Variants in GHR observed in about 807,000 individuals in gnomAD.
GHR encodes GH receptor.
GHR carries 35 observed loss-of-function variants against 67.1 expected under a neutral mutation model. That is an observed-to-expected ratio of 0.52 (90% CI 0.40 to 0.69). GHR has a LOEUF of 0.69. GHR is among the 30% of genes least tolerant of loss of function. The probability of loss-of-function intolerance (pLI) is 0.00; values close to 1 mark genes in which losing one functional copy is unlikely to be tolerated. For missense variants in GHR, 792 were observed against 764.6 expected, an observed-to-expected ratio of 1.04 and a Z score of -0.42; for synonymous variants, 272 against 269.1, an observed-to-expected ratio of 1.01 and a Z score of -0.10.
At chr5:42,712,870 T>C (rs546978751) in intron 7 of GHR, among the ~76,000 whole-genome samples, 6 of 150,822 alleles carry the variant, frequency 4.0e-5, no homozygotes, top group African/African-American at 1.5e-4. Flanking sequence ...TATTATATTT[T>C]AATAATTTAA....
Position 42,424,914 on chromosome 5 carries a change from C to G in GHR, c.-12+959C>G. The G allele has an allele frequency of 1.3e-6, 1 of 761,906 alleles. No homozygotes were observed. The allele number at this position is 761,906 out of a possible 1,614,324, so 47.2% of individuals were successfully genotyped here. A position where few individuals can be genotyped will look rare whatever the true frequency, so the allele number is the denominator to read the frequency against. On this transcript the variant is annotated intron_variant, in intron 1 of 9. Coordinates refer to ENST00000230882, the MANE Select transcript of GHR (RefSeq NM_000163.5). This position sits in a 1 kb window ranked among gnomAD's most constrained non-coding sequence, Gnocchi z 4.1. ...TGTACGTGTGCGCTGTGTGTGCGCG[C>G]GCGAGTGTGCGCCTGGGGAGGCGTG...
At chr5:42,591,771 C>T (rs1188468489) in intron 2 of GHR, among the ~76,000 whole-genome samples, 1 of 152,184 alleles carries the variant, frequency 6.6e-6, no homozygotes, top group Non-Finnish European at 1.5e-5. Flanking sequence ...TGACCTTTCT[C>T]TTCCACCTCA....
At chr5:42,569,643 T>C (rs771789411) in intron 2 of GHR, among the ~76,000 whole-genome samples, 16 of 152,172 alleles carry the variant, frequency 1.1e-4, no homozygotes, top group Admixed American at 5.9e-4. Flanking sequence ...ACATATATAG[T>C]ATCTACATGT....
chr5:42,671,842 G>C (rs1437852484), intron 3 of GHR, among the ~76,000 whole-genome samples: 1 of 151,170 alleles, frequency 6.6e-6, no homozygotes, highest in Non-Finnish European at 1.5e-5. Flanking sequence ...TGTAGTCCCA[G>C]CTACTTGGGA....
chr5:42,479,743 AT>A (rs1306577986), intron 1 of GHR, among the ~76,000 whole-genome samples: 1 of 152,010 alleles, frequency 6.6e-6, no homozygotes, highest in Non-Finnish European at 1.5e-5. Flanking sequence ...CCCCTTTATC[AT>A]TTTTTATTGC....
chr5:42,605,339 C>T (rs1752580087), intron 2 of GHR, among the ~76,000 whole-genome samples: 1 of 151,962 alleles, frequency 6.6e-6, no homozygotes, highest in South Asian at 2.1e-4. Flanking sequence ...CTCCCGACCT[C>T]AGGTGATCCG....
At chr5:42,589,646 T>C (rs1355276793) in intron 2 of GHR, among the ~76,000 whole-genome samples, 1 of 152,252 alleles carries the variant, frequency 6.6e-6, no homozygotes. Context: ...TTTTCAGTGT[T>C]AAGTTGACCT....
intron 3 of GHR, among the ~76,000 whole-genome samples, chr5:42,671,912 C>T (rs1436777766): frequency 3.4e-5 from 5 of 146,854 alleles, no homozygotes; most frequent in South Asian, 4.4e-4. Context: ...GCCGAGATCC[C>T]GCCACTGCAC....
At chr5:42,428,094 G>T (rs1413525344) in intron 1 of GHR, among the ~76,000 whole-genome samples, 1 of 152,238 alleles carries the variant, frequency 6.6e-6, no homozygotes, top group African/African-American at 2.4e-5. Context: ...CATTGCCCTA[G>T]CAAGGGTTGT....
At chr5:42,575,287 C>A (rs191885901) in intron 2 of GHR, among the ~76,000 whole-genome samples, 64 of 152,250 alleles carry the variant, frequency 4.2e-4, no homozygotes, top group African/African-American at 1.4e-3. Context: ...GATTTCAGAG[C>A]AGTGGTGTTG....
chr5:42,619,007 C>T (rs1242203248), intron 2 of GHR, among the ~76,000 whole-genome samples: 1 of 152,050 alleles, frequency 6.6e-6, no homozygotes, highest in Non-Finnish European at 1.5e-5. Flanking sequence ...CTGGTCTGTG[C>T]CTGTAATCCA....
chr5:42,591,297 G>T (rs1057193525), intron 2 of GHR, among the ~76,000 whole-genome samples: 3 of 152,340 alleles, frequency 2.0e-5, no homozygotes, highest in African/African-American at 7.2e-5. Flanking sequence ...GCAGCAGCTA[G>T]GTTCAAGAAG....
At chr5:42,698,013 A>G (rs1188894669) in intron 5 of GHR, among the ~76,000 whole-genome samples, 1 of 152,190 alleles carries the variant, frequency 6.6e-6, no homozygotes, top group Non-Finnish European at 1.5e-5. Context: ...AGATGAGCCA[A>G]GGACAAGTTC....
intron 2 of GHR, among the ~76,000 whole-genome samples, chr5:42,568,417 T>G (rs1750077772): frequency 6.6e-6 from 1 of 152,196 alleles, no homozygotes; most frequent in Non-Finnish European, 1.5e-5. Context: ...AGAGGAGAAT[T>G]TTTTATTCCA....
intron 1 of GHR, among the ~76,000 whole-genome samples, chr5:42,496,445 A>T (rs1258214528): frequency 1.3e-5 from 2 of 152,096 alleles, no homozygotes; most frequent in Admixed American, 1.3e-4. Context: ...TGGATATAGC[A>T]TGTGCATCTA....
chr5:42,505,414 G>A (rs1483611778), intron 1 of GHR, among the ~76,000 whole-genome samples: 1 of 150,548 alleles, frequency 6.6e-6, no homozygotes, highest in South Asian at 2.1e-4. Flanking sequence ...CATTTTTTGA[G>A]CACGTACACA....
intron 3 of GHR, among the ~76,000 whole-genome samples, chr5:42,677,038 G>A (rs1756604161): frequency 6.6e-6 from 1 of 151,648 alleles, no homozygotes; most frequent in African/African-American, 2.4e-5. Flanking sequence ...AAAAATTTAG[G>A]TTGAATTTTC....
At chr5:42,595,048 A>T (rs1339932729) in intron 2 of GHR, among the ~76,000 whole-genome samples, 1 of 152,180 alleles carries the variant, frequency 6.6e-6, no homozygotes, top group African/African-American at 2.4e-5. Flanking sequence ...CCCAACATAA[A>T]TACTAATAGA....
At chr5:42,591,467 G>T (rs1751772015) in intron 2 of GHR, among the ~76,000 whole-genome samples, 1 of 152,212 alleles carries the variant, frequency 6.6e-6, no homozygotes, top group Admixed American at 6.5e-5. Flanking sequence ...GCGATTGGAA[G>T]GGATGGAAGG....
Sources: gnomAD v4.1 joint callset for allele counts (sites outside exome capture counted in the v4.1 genomes callset) on GRCh38, gnomAD v4.1.1 for gene constraint, Gnocchi (gnomAD v3.1) non-coding constraint, MANE v1.5 for transcripts, NCBI Gene and HGNC (gene_info 2026-07-23, HGNC 2026-07-21) for gene names.